Variants in TMEM71 observed in about 807,000 individuals in gnomAD.
The protein encoded by TMEM71 is transmembrane protein 71.
In TMEM71, 44 loss-of-function variants were observed where a neutral mutation model predicts 38.0. That is an observed-to-expected ratio of 1.16 (90% CI 0.91 to 1.49). TMEM71 has a LOEUF of 1.49. Ranked by LOEUF, TMEM71 falls within the 40% of genes most tolerant of loss-of-function variation. The pLI is 0.00. For synonymous variants in TMEM71, 133 were observed against 122.5 expected (o/e 1.09, Z -0.56); for missense variants, 367 against 348.6 (o/e 1.05, Z -0.42).
chr8:132,735,071 G>A (rs1827672720), intron 5 of TMEM71, among the ~76,000 whole-genome samples: 2 of 152,172 alleles, frequency 1.3e-5, no homozygotes, highest in Admixed American at 6.5e-5. Flanking sequence ...CCTTTTCCAG[G>A]ACTGGCAGAA....
chr8:132,747,175 G>A lies in TMEM71; in HGVS notation c.315-61C>T. Reference sequence around the variant, plus strand: ...ATAGTTACCTTTAGTTCAAAACTGTGATTTGAAGCGCAGAGTACATTTCTA... The same window carrying A: ...ATAGTTACCTTTAGTTCAAAACTGTAATTTGAAGCGCAGAGTACATTTCTA... On this transcript the variant is annotated intron_variant, in intron 4 of 9. Coordinates refer to ENST00000677595, the MANE Select transcript of TMEM71 (RefSeq NM_001382403.1). The A allele has an allele frequency of 2.9e-6, 4 of 1,380,360 alleles. No homozygotes were observed. The South Asian group carries it at 5.9e-5, about 21-fold the overall frequency. 85.5% of individuals were successfully genotyped at this position (1,380,360 alleles called of 1,614,324 possible). A position where few individuals can be genotyped will look rare whatever the true frequency, so the allele number is the denominator to read the frequency against.
chr8:132,725,378 T>C (rs1827086104), intron 6 of TMEM71, among the ~76,000 whole-genome samples: 1 of 152,176 alleles, frequency 6.6e-6, no homozygotes, highest in Non-Finnish European at 1.5e-5. Flanking sequence ...TCACCCAGGC[T>C]GGTCTGGTAC....
intron 5 of TMEM71, among the ~76,000 whole-genome samples, chr8:132,736,146 G>C (rs1306520328): frequency 1.3e-5 from 2 of 152,172 alleles, no homozygotes; most frequent in African/African-American, 4.8e-5. Flanking sequence ...ATTGGAAGAG[G>C]AGCCACAACT....
At chr8:132,770,936 T>C in the TMEM71 span, among the ~76,000 whole-genome samples, 1 of 152,192 alleles carries the variant, frequency 6.6e-6, no homozygotes, top group Non-Finnish European at 1.5e-5. Flanking sequence ...CTGAGCCATA[T>C]GCACATCTCC....
intron 5 of TMEM71, among the ~76,000 whole-genome samples, chr8:132,738,613 G>A (rs534405035): frequency 3.9e-5 from 6 of 152,192 alleles, no homozygotes; most frequent in African/African-American, 1.4e-4. Context: ...AAATATTCTT[G>A]ATTGATTAGA....
intron 3 of TMEM71, among the ~76,000 whole-genome samples, chr8:132,752,647 T>G (rs528580365): frequency 2.6e-5 from 4 of 151,804 alleles, no homozygotes; most frequent in Admixed American, 2.6e-4. Flanking sequence ...GGCAGGAGGA[T>G]CCCTTTAGCC....
intron 7 of TMEM71, among the ~76,000 whole-genome samples, chr8:132,718,058 G>C (rs868563099): frequency 2.0e-5 from 3 of 152,266 alleles, no homozygotes; most frequent in Middle Eastern, 6.8e-3. Flanking sequence ...GAGACAGAAA[G>C]TACATTAGTG....
chr8:132,715,863 C>T (rs1307899102), intron 7 of TMEM71, among the ~76,000 whole-genome samples: 1 of 152,094 alleles, frequency 6.6e-6, no homozygotes, highest in East Asian at 1.9e-4. Context: ...GCAAAATATT[C>T]CGTGAGAGAA....
chr8:132,722,399 G>A (rs960902608), intron 6 of TMEM71, among the ~76,000 whole-genome samples: 1 of 152,112 alleles, frequency 6.6e-6, no homozygotes, highest in Non-Finnish European at 1.5e-5. Flanking sequence ...ATTTAATGTT[G>A]GGGAAAGGCT....
At chr8:132,735,000 G>C (rs190998269) in intron 5 of TMEM71, among the ~76,000 whole-genome samples, 4 of 152,288 alleles carry the variant, frequency 2.6e-5, no homozygotes, top group African/African-American at 9.6e-5. Context: ...TATGTGACAG[G>C]CATGAGTTCT....
In TMEM71 at chr8:132,710,562, A is replaced by T. The variant is rs1172845346; in HGVS notation, c.*405T>A. ...CTTGCTCTCATTATTCTATTAAAGC[A>T]ATTCAGCAAGAGATAGGTGCATGTG... On this transcript the variant is annotated 3_prime_UTR_variant, in exon 10 of 10. Coordinates refer to ENST00000677595, the MANE Select transcript of TMEM71 (RefSeq NM_001382403.1). The T allele has an allele frequency of 2.6e-6, 1 of 383,286 alleles. No homozygotes were observed. The highest frequency in any genetic ancestry group is 4.6e-6 in the Non-Finnish European group (1 of 217,380). 23.7% of individuals were successfully genotyped at this position (383,286 alleles called of 1,614,324 possible). A position where few individuals can be genotyped will look rare whatever the true frequency, so the allele number is the denominator to read the frequency against.
chr8:132,731,258 C>T (rs1216363989), intron 5 of TMEM71, among the ~76,000 whole-genome samples: 1 of 152,082 alleles, frequency 6.6e-6, no homozygotes, highest in East Asian at 1.9e-4. Context: ...GATATAGACC[C>T]TAGTTACGTG....
chr8:132,765,594 A>T (rs1586811376), upstream of TMEM71, among the ~76,000 whole-genome samples: 1 of 151,952 alleles, frequency 6.6e-6, no homozygotes, highest in Admixed American at 6.6e-5. Context: ...TTTGATACTG[A>T]CCAACTGTCT....
chr8:132,764,223 C>T (rs1476651792), upstream of TMEM71, among the ~76,000 whole-genome samples: 1 of 152,054 alleles, frequency 6.6e-6, no homozygotes, highest in Non-Finnish European at 1.5e-5. Context: ...AATCAGTATG[C>T]ATAAGCCATA....
In TMEM71 at chr8:132,751,789, C is replaced by A. The variant is rs757619225; in HGVS notation, c.310G>T (p.Val104Phe). 12 of 1,613,066 alleles carry A rather than the reference C, an allele frequency of 7.4e-6. No individual in the cohort carries two copies. The highest frequency in any genetic ancestry group is 9.3e-6 in the Non-Finnish European group (11 of 1,179,914). The change falls in exon 4 of 10, where the codon GTT becomes TTT. Residue 104 changes from valine to phenylalanine, a missense_variant. Transcript: ENST00000677595. Reference protein sequence around the residue: ...QTSVMYKENLVRIFRKKKRIC... With the variant: ...QTSVMYKENLFRIFRKKKRIC... ...TCTGTAATATGCTCTGCTTACCTAA[C>A]TAAGTTCTCCTTATACATAACGCTG...
At chr8:132,707,360 GGT>G (rs1826109182), downstream of TMEM71, among the ~76,000 whole-genome samples, 1 of 152,040 alleles carries the variant, frequency 6.6e-6, no homozygotes, top group Non-Finnish European at 1.5e-5. Flanking sequence ...TTTATTCTTC[GGT>G]TCTTAAAAGG....
Position 132,727,817 on chromosome 8 carries a change from C to T in TMEM71, c.657G>A (p.Glu219=), listed in dbSNP as rs1191228988. Residue 219 remains glutamate (E), a synonymous_variant, in exon 6 of 10, where the codon GAG becomes GAA. Coordinates refer to ENST00000677595, the MANE Select transcript of TMEM71 (RefSeq NM_001382403.1). ...SQLTASERFQ[E]NSSDHSETRL... Reference sequence around the variant, plus strand: ...ACTCACCTGAATGATCCGAACTATTCTCTTGGAAACGTTCAGAAGCTGTCA... The same window carrying T: ...ACTCACCTGAATGATCCGAACTATTTTCTTGGAAACGTTCAGAAGCTGTCA... The T allele has an allele frequency of 6.2e-7, 1 of 1,611,662 alleles. No homozygotes were observed. Among genetic ancestry groups the T allele is most frequent in the Non-Finnish European group, 8.5e-7 (1 of 1,178,936 alleles).
intron 6 of TMEM71, among the ~76,000 whole-genome samples, chr8:132,725,245 G>A (rs1827078557): frequency 6.6e-6 from 1 of 152,036 alleles, no homozygotes; most frequent in Non-Finnish European, 1.5e-5. Context: ...GCCTAGGCTG[G>A]TCTCCAACTC....
chr8:132,774,775 T>A, the TMEM71 span, among the ~76,000 whole-genome samples: 1 of 151,912 alleles, frequency 6.6e-6, no homozygotes, highest in Admixed American at 6.6e-5. Context: ...CTTGGGGAAG[T>A]GATATCAATG....
Sources: gnomAD v4.1 joint callset for allele counts (sites outside exome capture counted in the v4.1 genomes callset) on GRCh38, gnomAD v4.1.1 for gene constraint, MANE v1.5 for transcripts, NCBI Gene and HGNC (gene_info 2026-07-23, HGNC 2026-07-21) for gene names.